The following KCNJ3 variants were observed in gnomAD, a reference collection of about 807,000 sequenced individuals.
KCNJ3 encodes potassium inwardly rectifying channel subfamily J member 3.
A neutral mutation model predicts 39.2 loss-of-function variants in KCNJ3; 4 were observed. The observed-to-expected ratio is 0.10, with a 90% CI of 0.05 to 0.23. The LOEUF (loss-of-function observed/expected upper bound fraction) is 0.23. Ranked by LOEUF, KCNJ3 falls within the 10% of genes least tolerant of loss-of-function variation. The pLI is 1.00. For missense variants in KCNJ3, 276 were observed against 634.9 expected (o/e 0.43, Z 6.08); for synonymous variants, 230 against 237.4 (o/e 0.97, Z 0.29).
chr2:154,801,547 T>G (rs752251288), intron 2 of KCNJ3, among the ~76,000 whole-genome samples: 9 of 151,534 alleles, frequency 5.9e-5, no homozygotes, highest in Non-Finnish European at 1.2e-4. Context: ...CTTTCTTTCT[T>G]TCTTTTCTTT....
chr2:154,751,944 C>T (rs1157012823), intron 2 of KCNJ3, among the ~76,000 whole-genome samples: 2 of 152,056 alleles, frequency 1.3e-5, no homozygotes, highest in African/African-American at 4.8e-5. Context: ...AGTACCACCT[C>T]TTTAAAGACT....
chr2:154,799,336 C>T (rs1574466781), intron 2 of KCNJ3, among the ~76,000 whole-genome samples: 1 of 152,108 alleles, frequency 6.6e-6, no homozygotes, highest in African/African-American at 2.4e-5. Context: ...AATGCTCTTT[C>T]ACCATGTTGG....
intron 2 of KCNJ3, among the ~76,000 whole-genome samples, chr2:154,724,053 C>A (rs1278311819): frequency 6.6e-6 from 1 of 152,056 alleles, no homozygotes; most frequent in Non-Finnish European, 1.5e-5. Context: ...TACCACTTGT[C>A]TTTCAGAATT....
intron 2 of KCNJ3, among the ~76,000 whole-genome samples, chr2:154,841,578 G>A (rs1209242776): frequency 6.6e-6 from 1 of 151,988 alleles, no homozygotes; most frequent in Non-Finnish European, 1.5e-5. Flanking sequence ...TTTTTTGGTT[G>A]GTAGCTATTA....
At chr2:154,797,683 C>T (rs1686746006) in intron 2 of KCNJ3, among the ~76,000 whole-genome samples, 1 of 151,876 alleles carries the variant, frequency 6.6e-6, no homozygotes, top group Non-Finnish European at 1.5e-5. Context: ...TACATATGTC[C>T]TACTGTAACT....
intron 2 of KCNJ3, among the ~76,000 whole-genome samples, chr2:154,796,806 A>G (rs1686727936): frequency 1.3e-5 from 2 of 152,198 alleles, no homozygotes; most frequent in Admixed American, 6.6e-5. Context: ...GTCACGGAAT[A>G]TGCTTATTAG....
Position 154,698,729 on chromosome 2 carries a change from T to A in KCNJ3, c.-47T>A. 5.4e-6 allele frequency: 4 copies of A among 737,544 alleles called. No individual in the cohort carries two copies. Among genetic ancestry groups the A allele is most frequent in the Non-Finnish European group, 8.4e-6 (4 of 478,400 alleles). 45.7% of individuals were successfully genotyped at this position (737,544 alleles called of 1,614,324 possible). ...TTGGTGCTAGTTTGCAGCGCCCAGC[T>A]CCTGCGCCTTCGCTTCGCGTTTGAA... On this transcript the variant is annotated 5_prime_UTR_variant, in exon 1 of 3. Transcript: ENST00000295101.
In KCNJ3 at chr2:154,745,855, G is replaced by T. The variant is rs80318805; in HGVS notation, c.919+36036G>T. Among the ~76,000 whole-genome samples the T allele has an allele frequency of 7.6e-3, 1,154 of 151,924 alleles. 40 individuals are homozygous for T. The East Asian group carries it at 0.1, about 14-fold the overall frequency. On this transcript the variant is annotated intron_variant, in intron 2 of 2. Coordinates refer to ENST00000295101, the MANE Select transcript of KCNJ3 (RefSeq NM_002239.4). ...AAAGGTGAAGTACCACATTGTAACT[G>T]CCAGTTGTAGATAGAAGTTCAGATT... is the stretch of plus-strand genomic sequence containing the variant.
chr2:154,715,896 TA>T (rs1685172310), intron 2 of KCNJ3, among the ~76,000 whole-genome samples: 1 of 152,164 alleles, frequency 6.6e-6, no homozygotes, highest in South Asian at 2.1e-4. Context: ...TTAATAAGGT[TA>T]AATACTATTA....
chr2:154,745,999 C>T (rs1000390290), intron 2 of KCNJ3, among the ~76,000 whole-genome samples: 3 of 151,628 alleles, frequency 2.0e-5, no homozygotes, highest in Admixed American at 1.3e-4. Context: ...ACTACTGTTC[C>T]CCAGGTAGCG....
At chr2:154,720,624 C>A (rs1448537251) in intron 2 of KCNJ3, among the ~76,000 whole-genome samples, 3 of 152,016 alleles carry the variant, frequency 2.0e-5, no homozygotes, top group Non-Finnish European at 4.4e-5. Flanking sequence ...CTGTGCTATA[C>A]CTTACCATTT....
intron 2 of KCNJ3, among the ~76,000 whole-genome samples, chr2:154,721,622 C>T (rs1685264797): frequency 6.6e-6 from 1 of 151,370 alleles, no homozygotes; most frequent in Non-Finnish European, 1.5e-5. Flanking sequence ...TAGTGGAAGC[C>T]AGAATATTAT....
intron 1 of KCNJ3, among the ~76,000 whole-genome samples, chr2:154,702,315 C>T (rs1179705039): frequency 1.3e-5 from 2 of 151,804 alleles, no homozygotes; most frequent in Non-Finnish European, 2.9e-5. Context: ...TTTCCTACTA[C>T]CTAATTTAAT....
intron 2 of KCNJ3, among the ~76,000 whole-genome samples, chr2:154,734,302 G>A (rs1041334040): frequency 6.6e-6 from 1 of 152,172 alleles, no homozygotes; most frequent in Non-Finnish European, 1.5e-5. Context: ...GGAAATACTT[G>A]TCCTAAGAGG....
chr2:154,781,642 T>A (rs968549385), intron 2 of KCNJ3, among the ~76,000 whole-genome samples: 5 of 152,194 alleles, frequency 3.3e-5, no homozygotes, highest in African/African-American at 1.2e-4. Flanking sequence ...AGATCTTGGC[T>A]TTTGATTGGT....
chr2:154,704,625 A>G (rs1445701070), intron 1 of KCNJ3, among the ~76,000 whole-genome samples: 1 of 152,144 alleles, frequency 6.6e-6, no homozygotes, highest in African/African-American at 2.4e-5. Context: ...AAGGAGTCCA[A>G]ATAAATGTAC....
At chr2:154,709,941 T>G in intron 2 of KCNJ3, 122 bp downstream of exon 2, 4 of 1,153,486 alleles carry the variant, frequency 3.5e-6, no homozygotes. Flanking sequence ...AAGTAATGAT[T>G]TGCCTTTCAT....
chr2:154,737,106 G>C (rs1685561821), intron 2 of KCNJ3, among the ~76,000 whole-genome samples: 3 of 152,190 alleles, frequency 2.0e-5, no homozygotes, highest in Non-Finnish European at 4.4e-5. Flanking sequence ...CAGAGGTGAG[G>C]AGGAACCACT....
intron 2 of KCNJ3, among the ~76,000 whole-genome samples, chr2:154,772,814 G>A (rs954389606): frequency 1.3e-5 from 2 of 151,914 alleles, no homozygotes; most frequent in Non-Finnish European, 2.9e-5. Context: ...TCAAGCCTTA[G>A]TGTCTTTACT....
Sources: allele counts gnomAD v4.1 joint callset (sites outside exome capture counted in the v4.1 genomes callset), GRCh38; gene constraint gnomAD v4.1.1; transcripts MANE v1.5; gene names NCBI Gene and HGNC (gene_info 2026-07-23, HGNC 2026-07-21).